HSD17B4: variants seen among roughly 807,000 people sequenced by gnomAD.
HSD17B4 encodes the protein hydroxysteroid 17-beta dehydrogenase 4, also known as peroxisomal multifunctional enzyme type 2.
In HSD17B4, 70 loss-of-function variants were observed where a neutral mutation model predicts 101.0. That is an observed-to-expected ratio of 0.69 (90% confidence interval 0.57 to 0.85). The LOEUF (loss-of-function observed/expected upper bound fraction) is 0.85. HSD17B4 is among the 40% of genes least tolerant of loss of function. The probability of loss-of-function intolerance (pLI) is 0.00; values close to 1 mark genes in which losing one functional copy is unlikely to be tolerated. For synonymous variants in HSD17B4, 347 were observed against 297.1 expected (o/e 1.17, Z -1.73); for missense variants, 984 against 892.4 (o/e 1.10, Z -1.31).
chr5:119,496,695 C>T (rs750259592), intron 12 of HSD17B4, 49 bp downstream of exon 12: 47 of 956,942 alleles, frequency 4.9e-5, no homozygotes, highest in Middle Eastern at 2.1e-4. Flanking sequence ...GAGACTTTCC[C>T]TCCCTTCTTC....
chr5:119,481,190 A>G (rs1338603342), intron 8 of HSD17B4, among the ~76,000 whole-genome samples: 1 of 152,190 alleles, frequency 6.6e-6, no homozygotes, highest in African/African-American at 2.4e-5. Context: ...GTGTCCATGA[A>G]ATCTTTACAA....
At chr5:119,520,779 C>G (rs1297599807) in intron 17 of HSD17B4, among the ~76,000 whole-genome samples, 1 of 151,936 alleles carries the variant, frequency 6.6e-6, no homozygotes, top group Non-Finnish European at 1.5e-5. Context: ...TCGTGTATAC[C>G]TTTTTTAATG....
rs79462318 is a variant in HSD17B4 at position 119,508,502 on chromosome 5, C to T, written c.1334-639C>T. On this transcript the variant is annotated intron_variant, in intron 15 of 23. Transcript: ENST00000510025. Reference sequence around the variant, plus strand: ...TAGTTTTGCAGAGCTAGATATGAAACAGATAATAATCTGTCCCTAGTAAGT... The same window carrying T: ...TAGTTTTGCAGAGCTAGATATGAAATAGATAATAATCTGTCCCTAGTAAGT... 1.9e-3 allele frequency among the ~76,000 whole-genome samples: 282 copies of T among 152,284 alleles called. 1 individual carries two copies. Among genetic ancestry groups the T allele is most frequent in the Middle Eastern group, 6.8e-3 (2 of 294 alleles).
chr5:119,514,857 A>G, intron 16 of HSD17B4, 124 bp from the exon 17 acceptor site: 1 of 685,630 alleles, frequency 1.5e-6, no homozygotes, highest in Non-Finnish European at 2.7e-6. Flanking sequence ...TTTTTTTTAA[A>G]CCCTTTTATC....
Position 119,477,410 on chromosome 5 carries a change from GT to G in HSD17B4, c.350-3del. 1.9e-6 allele frequency: 3 copies of G among 1,581,198 alleles called. No homozygotes were observed. The highest frequency in any genetic ancestry group is 2.6e-6 in the Non-Finnish European group (3 of 1,150,632). ...AAATATTTAATAAAAATAATTTATTGTTTTAGATATAATCCACAGAGTTCAT... is the reference window on the plus strand; with the variant it reads ...AAATATTTAATAAAAATAATTTATTGTTTAGATATAATCCACAGAGTTCAT... On this transcript the variant is annotated splice_region_variant and splice_polypyrimidine_tract_variant and intron_variant, in intron 6 of 23. Transcript: ENST00000510025.
rs1348182779 is a variant in HSD17B4, at chr5:119,455,562, C to CTA, written c.59-752_59-751insAT. Among the ~76,000 whole-genome samples the CTA allele has an allele frequency of 2.2e-3, 293 of 131,550 alleles. 1 individual carries two copies. The highest frequency in any genetic ancestry group is 2.5e-3 in the Non-Finnish European group (150 of 60,554). 86.3% of individuals were successfully genotyped at this position (131,550 alleles called of 152,430 possible). A position where few individuals can be genotyped will look rare whatever the true frequency, so the allele number is the denominator to read the frequency against. ...AAACTTTCTCTCTCTCTCTCTCTCT[C>CTA]TCTCTCTATATATATATATATAATT... On this transcript the variant is annotated intron_variant, in intron 1 of 23. Transcript: ENST00000510025.
intron 14 of HSD17B4, among the ~76,000 whole-genome samples, chr5:119,504,146 A>T (rs1220695004): frequency 6.6e-6 from 1 of 152,144 alleles, no homozygotes; most frequent in Non-Finnish European, 1.5e-5. Context: ...ATTCCATGGT[A>T]TATATGTACC....
At chr5:119,456,174 G>A in intron 1 of HSD17B4, 141 bp from the exon 2 acceptor site, 1 of 713,206 alleles carries the variant, frequency 1.4e-6, no homozygotes. Flanking sequence ...GGTTGAGAAT[G>A]TCAGTGATAG....
At chr5:119,452,898 G>C in intron 1 of HSD17B4, 1 of 1,507,134 alleles carries the variant, frequency 6.6e-7, no homozygotes, top group Non-Finnish European at 8.9e-7. Context: ...AGGCTGGGCT[G>C]CTGATTGCAA....
At chr5:119,509,277 G>A in intron 16 of HSD17B4, 33 bp downstream of exon 16, 2 of 1,208,176 alleles carry the variant, frequency 1.7e-6, no homozygotes, top group Non-Finnish European at 2.5e-6. Context: ...AAATATATGT[G>A]TAGTTAAGGA....
chr5:119,496,674 T>G (rs1283176076), intron 12 of HSD17B4, 28 bp downstream of exon 12: 1 of 1,223,708 alleles, frequency 8.2e-7, no homozygotes, highest in Non-Finnish European at 1.2e-6. Flanking sequence ...CTAAAGCGTT[T>G]GCCTTCTCTG....
At position 119,493,884 on chromosome 5, in the gene HSD17B4, T is replaced by A. The variant is rs1457255569; in HGVS notation, c.806T>A (p.Val269Asp). The change falls in exon 11 of 24, where the codon GTC (valine) becomes GAC (aspartate). Residue 269 changes from valine (V) to aspartate (D), a missense_variant. Val to Asp is a radical substitution (Grantham distance 152). Coordinates refer to ENST00000510025, the MANE Select transcript of HSD17B4 (RefSeq NM_000414.4). ...AATCACCCAATGACTCCTGAGGCAGTCAAGGCTAACTGGAAGAAGATCTGT... is the reference window on the plus strand; with the variant it reads ...AATCACCCAATGACTCCTGAGGCAGACAAGGCTAACTGGAAGAAGATCTGT... ...QKNHPMTPEA[V>D]KANWKKICDF... 2 of 1,613,214 alleles carry A rather than the reference T, an allele frequency of 1.2e-6. No homozygotes were observed. Among genetic ancestry groups the A allele is most frequent in the Non-Finnish European group, 1.7e-6 (2 of 1,179,460 alleles).
intron 17 of HSD17B4, among the ~76,000 whole-genome samples, chr5:119,520,012 C>T (rs910388710): frequency 2.0e-5 from 3 of 152,148 alleles, no homozygotes; most frequent in Non-Finnish European, 4.4e-5. Flanking sequence ...TACCATAGCA[C>T]CCATCGCCTT....
intron 2 of HSD17B4, among the ~76,000 whole-genome samples, chr5:119,458,567 T>C (rs957153059): frequency 2.0e-5 from 3 of 151,710 alleles, no homozygotes; most frequent in Admixed American, 6.6e-5. Flanking sequence ...CAGGCTGGTC[T>C]TGAACTCCTG....
intron 2 of HSD17B4, among the ~76,000 whole-genome samples, chr5:119,458,345 A>ATTT: frequency 7.1e-6 from 1 of 140,498 alleles, no homozygotes; most frequent in East Asian, 2.0e-4. Flanking sequence ...ACACACACTA[A>ATTT]TTTTTTTTTT....
chr5:119,471,018 C>G (rs1383460038), intron 2 of HSD17B4, among the ~76,000 whole-genome samples: 1 of 152,138 alleles, frequency 6.6e-6, no homozygotes, highest in Non-Finnish European at 1.5e-5. Context: ...CCTGGTTGCG[C>G]TTTGTAAAAT....
At chr5:119,491,053 A>G (rs1423451082) in intron 9 of HSD17B4, among the ~76,000 whole-genome samples, 5 of 152,202 alleles carry the variant, frequency 3.3e-5, no homozygotes, top group African/African-American at 1.2e-4. Context: ...TTGAAAGTAA[A>G]TTGCCACTTT....
At chr5:119,452,694 G>A (rs1025780115) in intron 1 of HSD17B4, 61 bp downstream of exon 1, 3 of 1,609,796 alleles carry the variant, frequency 1.9e-6, no homozygotes, top group Non-Finnish European at 2.5e-6. Flanking sequence ...TGCTCTTTTC[G>A]GGCCGGCATA....
intron 17 of HSD17B4, among the ~76,000 whole-genome samples, chr5:119,522,948 C>T (rs1205140599): frequency 1.3e-5 from 2 of 152,096 alleles, no homozygotes; most frequent in Non-Finnish European, 2.9e-5. Context: ...CTCTTCCATG[C>T]ACTGCTTTTG....
Sources: allele counts gnomAD v4.1 joint callset (sites outside exome capture counted in the v4.1 genomes callset), GRCh38; gene constraint gnomAD v4.1.1; transcripts MANE v1.5; gene names NCBI Gene and HGNC (gene_info 2026-07-23, HGNC 2026-07-21).